The following ANKRD49 variants were observed in gnomAD, a reference collection of about 807,000 sequenced individuals.
ANKRD49 encodes ankyrin repeat domain-containing protein 49.
A neutral mutation model predicts 19.6 loss-of-function variants in ANKRD49; 18 were observed. The ratio of observed to expected loss-of-function variants is 0.92; its 90% CI spans 0.63 to 1.36. ANKRD49 has a LOEUF of 1.36. Ranked by LOEUF, ANKRD49 falls within the 40% of genes most tolerant of loss-of-function variation. ANKRD49 has a pLI of 0.00. For missense variants in ANKRD49, 218 were observed against 281.6 expected, an observed-to-expected ratio of 0.77 and a Z score of 1.62; for synonymous variants, 88 against 101.8, an observed-to-expected ratio of 0.86 and a Z score of 0.82.
Position 94,498,201 on chromosome 11 carries a change from A to G in ANKRD49, c.389A>G (p.Gln130Arg). ...GATATTGTTCAGGAGCTCATTGCAC[A>G]GGGGGCCGATGTTCATGCAGTGACT... ...HLDIVQELIA[Q>R]GADVHAVTVD... The change falls in exon 3 of 3, where the codon CAG becomes CGG. Residue 130 changes from glutamine to arginine, a missense_variant. Coordinates refer to ENST00000544612, the MANE Select transcript of ANKRD49 (RefSeq NM_017704.3). The G allele has an allele frequency of 6.2e-7, 1 of 1,614,192 alleles. No homozygotes were observed. Among genetic ancestry groups the G allele is most frequent in the Non-Finnish European group, 8.5e-7 (1 of 1,180,036 alleles).
chr11:94,497,054 A>G, intron 2 of ANKRD49, 103 bp downstream of exon 2: 1 of 1,469,066 alleles, frequency 6.8e-7, no homozygotes, highest in Non-Finnish European at 9.4e-7. Flanking sequence ...CTATCTCTTG[A>G]TTGTGAGGAC....
intron 2 of ANKRD49, 41 bp downstream of exon 2, chr11:94,496,992 A>G (rs754703114): frequency 2.5e-6 from 4 of 1,609,386 alleles, no homozygotes; most frequent in African/African-American, 2.7e-5. Context: ...ACAGTAGGAA[A>G]AGCACTGGGT....
chr11:94,494,587 G>C (rs1947382531), intron 1 of ANKRD49, among the ~76,000 whole-genome samples: 1 of 152,046 alleles, frequency 6.6e-6, no homozygotes. Context: ...TTTAAGTTAG[G>C]AAACATACCC....
Position 94,498,133 on chromosome 11 carries a change from T to C in ANKRD49, c.321T>C (p.Asp107=). Residue 107 remains aspartate (D), a synonymous_variant, in exon 3 of 3, where the codon GAT becomes GAC. Transcript: ENST00000544612. ...KATHVNTRDE[D]EYTPLHRAAY... is the part of the protein sequence containing the mutation. Reference sequence around the variant, plus strand: ...CTCACGTGAACACTAGGGATGAAGATGAGTATACCCCTCTTCATCGAGCAG... The same window carrying C: ...CTCACGTGAACACTAGGGATGAAGACGAGTATACCCCTCTTCATCGAGCAG... 2 of 1,614,100 alleles carry C rather than the reference T, an allele frequency of 1.2e-6. No individual in the cohort carries two copies. The highest frequency in any genetic ancestry group is 1.7e-6 in the Non-Finnish European group (2 of 1,180,008).
Position 94,496,733 on chromosome 11 carries a change from C to G in ANKRD49, c.40C>G (p.Gln14Glu). 1.2e-6 allele frequency: 2 copies of G among 1,607,240 alleles called. No individual in the cohort carries two copies. Among genetic ancestry groups the G allele is most frequent in the Non-Finnish European group, 1.7e-6 (2 of 1,177,066 alleles). The change falls in exon 2 of 3, where the codon CAA becomes GAA. Residue 14 changes from glutamine to glutamate, a missense_variant. Coordinates refer to ENST00000544612, the MANE Select transcript of ANKRD49 (RefSeq NM_017704.3). ...EKGNDDGIPD[Q>E]ENSLDFSEHF... is the part of the protein sequence containing the mutation. ...AGGAAATGATGATGGAATACCAGACCAAGAGAATTCCTTGGATTTTTCTGA... is the reference window on the plus strand; with the variant it reads ...AGGAAATGATGATGGAATACCAGACGAAGAGAATTCCTTGGATTTTTCTGA...
intron 2 of ANKRD49, 129 bp from the exon 3 acceptor site, chr11:94,497,942 A>G (rs1591736650): frequency 1.5e-6 from 1 of 683,038 alleles, no homozygotes; most frequent in Non-Finnish European, 2.4e-6. Flanking sequence ...AATTATTTTC[A>G]TTTTAAAGTC....
Position 94,499,509 on chromosome 11 carries a change from C to T in ANKRD49, c.*977C>T, listed in dbSNP as rs576792494. The stretch of plus-strand genomic sequence containing the variant: ...AGTGGCTCAGGCTTTAAAAAAAAAA[C>T]ACTGTGGATAATGACAAAAAGCATA... On this transcript the variant is annotated 3_prime_UTR_variant, in exon 3 of 3. Transcript: ENST00000544612. 1 of 151,722 alleles carries T rather than the reference C, an allele frequency of 6.6e-6. No homozygotes were observed. The highest frequency in any genetic ancestry group is 1.9e-4 in the East Asian group (1 of 5,166). The allele number at this position is 151,722 out of a possible 1,614,324, so 9.4% of individuals were successfully genotyped here.
At position 94,498,339 on chromosome 11, in the gene ANKRD49, C is replaced by T. The variant is rs1369404739; in HGVS notation, c.527C>T (p.Thr176Ile). ...AATGCCCAAACAAAAGGCCTCTTGA[C>T]CCCCTTGCATCTTGCTGCTGGGAAC... Reference protein sequence around the residue: ...DINAQTKGLLTPLHLAAGNRD... With the variant: ...DINAQTKGLLIPLHLAAGNRD... The change falls in exon 3 of 3, where the codon ACC (threonine) becomes ATC (isoleucine). Residue 176 changes from threonine (T) to isoleucine (I), a missense_variant. Coordinates refer to ENST00000544612, the MANE Select transcript of ANKRD49 (RefSeq NM_017704.3). The T allele has an allele frequency of 1.9e-6, 3 of 1,613,636 alleles. No homozygotes were observed. Among genetic ancestry groups the T allele is most frequent in the East Asian group, 4.5e-5 (2 of 44,898 alleles).
At chr11:94,495,194 G>A (rs1237019381) in intron 1 of ANKRD49, among the ~76,000 whole-genome samples, 1 of 152,148 alleles carries the variant, frequency 6.6e-6, no homozygotes, top group Admixed American at 6.5e-5. Context: ...CATTAAGATT[G>A]TATACTGTTA....
intron 1 of ANKRD49, among the ~76,000 whole-genome samples, chr11:94,494,921 G>A (rs12708335): frequency 2.0e-5 from 3 of 152,096 alleles, no homozygotes; most frequent in Admixed American, 2.0e-4. Context: ...GTGTTGCAAG[G>A]TTCAGGAATT....
At chr11:94,495,582 T>C (rs1259936930) in intron 1 of ANKRD49, among the ~76,000 whole-genome samples, 1 of 152,208 alleles carries the variant, frequency 6.6e-6, no homozygotes, top group Non-Finnish European at 1.5e-5. Context: ...GGAATTCGTA[T>C]TTGTAAATTA....
Position 94,496,759 on chromosome 11 carries a change from A to G in ANKRD49, c.66A>G (p.Glu22=). 1.9e-6 allele frequency: 3 copies of G among 1,612,700 alleles called. No homozygotes were observed. The highest frequency in any genetic ancestry group is 2.5e-6 in the Non-Finnish European group (3 of 1,179,582). ...PDQENSLDFS[E]HFNQLELLET... is the part of the protein sequence containing the mutation. ...AAGAGAATTCCTTGGATTTTTCTGA[A>G]CACTTTAACCAACTTGAATTGTTGG... is the stretch of plus-strand genomic sequence containing the variant. Residue 22 remains glutamate, a synonymous_variant, in exon 2 of 3, where the codon GAA becomes GAG. Coordinates refer to ENST00000544612, the MANE Select transcript of ANKRD49 (RefSeq NM_017704.3).
At position 94,496,913 on chromosome 11, in the gene ANKRD49, C is replaced by T. The variant is rs775668757; in HGVS notation, c.220C>T (p.Pro74Ser). The T allele has an allele frequency of 1.9e-6, 3 of 1,613,308 alleles. No individual in the cohort carries two copies. The highest frequency in any genetic ancestry group is 2.5e-6 in the Non-Finnish European group (3 of 1,179,874). The change falls in exon 2 of 3, where the codon CCA becomes TCA. Residue 74 changes from proline (P) to serine (S), a missense_variant. By Grantham distance (74) the Pro-to-Ser change is moderately conservative. Coordinates refer to ENST00000544612, the MANE Select transcript of ANKRD49 (RefSeq NM_017704.3). ...GCAAGAAAAAAAAATGGAAAAAGAC[C>T]CAAGCAGATTGCTTCTTTGGGCTGC... ...RLQEKKMEKD[P>S]SRLLLWAAEK...
rs765013930 is a variant in ANKRD49, at chr11:94,498,075, C to T, written c.263C>T (p.Thr88Ile). The T allele has an allele frequency of 6.3e-7, 1 of 1,597,094 alleles. No individual in the cohort carries two copies. The highest frequency in any genetic ancestry group is 8.5e-7 in the Non-Finnish European group (1 of 1,171,422). ...LLWAAEKNRL[T>I]TVRRLLSEKA... ...ATTTCTTTTTTTTCTTCTCAGCTTA[C>T]CACAGTGCGGAGACTCCTTTCTGAA... Residue 88 changes from threonine to isoleucine, a missense_variant, in exon 3 of 3, where the codon ACC (threonine) becomes ATC (isoleucine). Coordinates refer to ENST00000544612, the MANE Select transcript of ANKRD49 (RefSeq NM_017704.3).
intron 1 of ANKRD49, among the ~76,000 whole-genome samples, chr11:94,494,430 A>C (rs1947379769): frequency 1.3e-5 from 2 of 152,234 alleles, no homozygotes; most frequent in Admixed American, 1.3e-4. Flanking sequence ...CTGCCCTTTC[A>C]GTTCCATTGA....
Position 94,498,231 on chromosome 11 carries a change from A to C in ANKRD49, c.419A>C (p.Asp140Ala). 9.3e-6 allele frequency: 15 copies of C among 1,614,144 alleles called. No individual in the cohort carries two copies. The highest frequency in any genetic ancestry group is 1.3e-5 in the Non-Finnish European group (15 of 1,180,026). ...GCCGATGTTCATGCAGTGACTGTGG[A>C]TGGCTGGACGCCCCTGCACAGTGCT... ...QGADVHAVTV[D>A]GWTPLHSACK... Residue 140 changes from aspartate (D) to alanine (A), a missense_variant, in exon 3 of 3, where the codon GAT becomes GCT. Physicochemically the swap from Asp to Ala is moderately radical, Grantham distance 126. Coordinates refer to ENST00000544612, the MANE Select transcript of ANKRD49 (RefSeq NM_017704.3).
At position 94,496,846 on chromosome 11, in the gene ANKRD49, AG is replaced by A; in HGVS notation, c.154del (p.Asp52MetfsTer50). On this transcript the variant is annotated frameshift_variant, in exon 2 of 3. Transcript: ENST00000544612. LOFTEE classifies it high-confidence loss of function. The stretch of plus-strand genomic sequence containing the variant: ...GTCTTTGGGTAGGCAATTCTGATGA[AG>A]ATGAGGAGCAAGATGACAAAAATGA... ...QSLWVGNSDE[D>X]EEQDDKNEEW... 6.2e-7 allele frequency: 1 copy of A among 1,614,048 alleles called. No individual in the cohort carries two copies. The highest frequency in any genetic ancestry group is 8.5e-7 in the Non-Finnish European group (1 of 1,179,974).
At chr11:94,497,982 T>C in intron 2 of ANKRD49, 89 bp from the exon 3 acceptor site, 1 of 995,442 alleles carries the variant, frequency 1.0e-6, no homozygotes, top group Non-Finnish European at 1.4e-6. Context: ...TTTATTCAAC[T>C]TAATTAAATC....
Position 94,498,377 on chromosome 11 carries a change from G to C in ANKRD49, c.565G>C (p.Asp189His). ...TGCTGCTGGGAACAGAGACAGCAAG[G>C]ATACCCTAGAACTCCTCCTGATGAA... ...HLAAGNRDSK[D>H]TLELLLMNRY... Residue 189 changes from aspartate (D) to histidine (H), a missense_variant, in exon 3 of 3, where the codon GAT becomes CAT. By Grantham distance (81) the Asp-to-His change is moderately conservative. Transcript: ENST00000544612. 6.2e-7 allele frequency: 1 copy of C among 1,613,304 alleles called. No individual in the cohort carries two copies.
Sources: gnomAD v4.1 joint callset for allele counts (sites outside exome capture counted in the v4.1 genomes callset) on GRCh38, gnomAD v4.1.1 for gene constraint, MANE v1.5 for transcripts, NCBI Gene and HGNC (gene_info 2026-07-23, HGNC 2026-07-21) for gene names.